The following PCYT1B variants were observed in gnomAD, a reference collection of about 807,000 sequenced individuals.
PCYT1B encodes the protein choline-phosphate cytidylyltransferase B.
PCYT1B carries 10 observed loss-of-function variants against 26.4 expected under a neutral mutation model. The observed-to-expected ratio is 0.38, with a 90% CI of 0.23 to 0.64. The LOEUF (loss-of-function observed/expected upper bound fraction) is 0.64. Among genes scored for constraint, PCYT1B ranks in the 30% least tolerant of loss-of-function variants. The probability of loss-of-function intolerance (pLI) is 0.56; values close to 1 mark genes in which losing one functional copy is unlikely to be tolerated. For missense variants in PCYT1B, 161 were observed against 292.7 expected (o/e 0.55, Z 3.28); for synonymous variants, 131 against 108.4 (o/e 1.21, Z -1.29).
At chrX:24,651,609 G>A (rs113762116), upstream of PCYT1B, among the ~76,000 whole-genome samples, 4,252 of 97,168 alleles carry the variant, frequency 0.044, 270 homozygotes, top group African/African-American at 0.15. Flanking sequence ...CAGCAGCCTC[G>A]ACCTCCCAGA....
At chrX:24,591,301 T>C (rs184638721) in intron 3 of PCYT1B, among the ~76,000 whole-genome samples, 1 of 112,095 alleles carries the variant, frequency 8.9e-6, no homozygotes, top group African/African-American at 3.2e-5. Context: ...GAAATATCAT[T>C]GTGGGTACAG....
rs956901509 is a variant in PCYT1B at position 24,558,698 on chromosome X, G to A, written c.*3595C>T. On this transcript the variant is annotated 3_prime_UTR_variant, in exon 8 of 8. Transcript: ENST00000379144. ...CTCTTCCACTCAGACCAGGTTAGAAGCCAGGCCAATGTCTCACGTCCTGCT... is the reference window on the plus strand; with the variant it reads ...CTCTTCCACTCAGACCAGGTTAGAAACCAGGCCAATGTCTCACGTCCTGCT... 2 of 107,673 alleles carry A rather than the reference G, an allele frequency of 1.9e-5. No individual in the cohort carries two copies. The highest frequency in any genetic ancestry group is 6.8e-5 in the African/African-American group (2 of 29,505). The allele number at this position is 107,673 out of a possible 1,213,427, so 8.9% of individuals were successfully genotyped here.
chrX:24,562,271 G>A lies in PCYT1B; in HGVS notation c.*22C>T, dbSNP rs372968337. The A allele has an allele frequency of 4.2e-4, 480 of 1,152,884 alleles. No homozygotes were observed. Among genetic ancestry groups the A allele is most frequent in the Non-Finnish European group, 5.2e-4 (450 of 866,056 alleles). ...CCCTCCTCCCCATCCTGCATGGTGC[G>A]GCTCTTGCCTCCCAGCAGCCTCTAC... On this transcript the variant is annotated 3_prime_UTR_variant, in exon 8 of 8. Transcript: ENST00000379144.
Position 24,564,454 on chromosome X carries a change from G to A in PCYT1B, c.898-1949C>T, listed in dbSNP as rs865948184. On this transcript the variant is annotated intron_variant, in intron 7 of 7. Transcript: ENST00000379144. Reference sequence around the variant, plus strand: ...TGCAAGCTCCGCCTCCCGGGTTCACGCCATTCTCCTGCCTCAGCCTCCCCA... The same window carrying A: ...TGCAAGCTCCGCCTCCCGGGTTCACACCATTCTCCTGCCTCAGCCTCCCCA... Among the ~76,000 whole-genome samples, 4 of 108,427 alleles carry A rather than the reference G, an allele frequency of 3.7e-5. No individual in the cohort carries two copies. In the South Asian group the frequency reaches 1.2e-3, roughly 34 times the overall value. 94.2% of individuals were successfully genotyped at this position (108,427 alleles called of 115,157 possible).
At chrX:24,609,315 C>T (rs1333324418) in intron 2 of PCYT1B, among the ~76,000 whole-genome samples, 3 of 111,408 alleles carry the variant, frequency 2.7e-5, no homozygotes, top group Non-Finnish European at 3.8e-5. Flanking sequence ...GGATTACAGG[C>T]ACTCAGCACC....
At position 24,607,803 on chromosome X, in the gene PCYT1B, A is replaced by G; in HGVS notation, c.276T>C (p.His92=). 1.7e-6 allele frequency: 2 copies of G among 1,202,768 alleles called. No individual in the cohort carries two copies. The highest frequency in any genetic ancestry group is 3.0e-5 in the East Asian group (1 of 33,754). The change falls in exon 3 of 8, where the codon CAT becomes CAC. Residue 92 remains histidine (H), a synonymous_variant. Transcript: ENST00000379144. ...DGIFDLFHSG[H]ARALMQAKTL... ...TTTTTGCTTGCATAAGGGCTCTTGCATGACCTGAGTGGAAGAGGTCAAATA... is the reference window on the plus strand; with the variant it reads ...TTTTTGCTTGCATAAGGGCTCTTGCGTGACCTGAGTGGAAGAGGTCAAATA...
chrX:24,650,997 C>T (rs923634688), upstream of PCYT1B, among the ~76,000 whole-genome samples: 1 of 111,661 alleles, frequency 9.0e-6, no homozygotes, highest in African/African-American at 3.3e-5. Context: ...GTTAGAAAAG[C>T]AGGCTGCAAA....
At chrX:24,624,403 A>G (rs1386758465) in intron 1 of PCYT1B, among the ~76,000 whole-genome samples, 1 of 112,157 alleles carries the variant, frequency 8.9e-6, no homozygotes, top group African/African-American at 3.2e-5. Context: ...TTAACCTCTC[A>G]AGCCTTAGTA....
chrX:24,562,364 G>C lies in PCYT1B; in HGVS notation c.1039C>G (p.Pro347Ala), dbSNP rs1167703914. Residue 347 changes from proline to alanine, a missense_variant, in exon 8 of 8, where the codon CCC becomes GCC. Pro to Ala is a conservative substitution (Grantham distance 27, BLOSUM62 -1). Coordinates refer to ENST00000379144, the MANE Select transcript of PCYT1B (RefSeq NM_004845.5). ...TFSWLPLKTS[P>A]PSSPKAASAS... ...GAGGCTGCTTTGGGTGAGGAAGGGG[G>C]TGAGGTTTTGAGTGGAAGCCATGAG... The C allele has an allele frequency of 8.5e-7, 1 of 1,176,060 alleles. No individual in the cohort carries two copies. Among genetic ancestry groups the C allele is most frequent in the Non-Finnish European group, 1.1e-6 (1 of 878,992 alleles).
chrX:24,596,497 T>G (rs1924784373), intron 3 of PCYT1B, among the ~76,000 whole-genome samples: 1 of 106,453 alleles, frequency 9.4e-6, no homozygotes, highest in African/African-American at 3.5e-5. Flanking sequence ...GAGGCTTAGG[T>G]GGGAGGATTA....
intron 7 of PCYT1B, among the ~76,000 whole-genome samples, chrX:24,570,275 C>T (rs745457183): frequency 2.8e-5 from 3 of 107,680 alleles, no homozygotes; most frequent in Admixed American, 1.0e-4. Flanking sequence ...TTTTTTGAGG[C>T]GGAGTTTCAC....
rs755921545 is a variant in PCYT1B at position 24,620,132 on chromosome X, A to G, written c.118-1048T>C. On this transcript the variant is annotated intron_variant, in intron 1 of 7. Transcript: ENST00000379144. Reference sequence around the variant, plus strand: ...TTAAGATGTGTTCCTTAACCTGGGGACACTAGACTGAAGAATGATCCATAC... The same window carrying G: ...TTAAGATGTGTTCCTTAACCTGGGGGCACTAGACTGAAGAATGATCCATAC... Among the ~76,000 whole-genome samples, 7 of 112,401 alleles carry G rather than the reference A, an allele frequency of 6.2e-5. No individual in the cohort carries two copies. The East Asian group carries it at 2.0e-3, about 31-fold the overall frequency.
intron 1 of PCYT1B, among the ~76,000 whole-genome samples, chrX:24,631,112 CG>C (rs1381590550): frequency 2.5e-4 from 28 of 110,784 alleles, no homozygotes; most frequent in Non-Finnish European, 3.4e-4. Context: ...TTAGTAGAGA[CG>C]GGGTTTCACC....
intron 7 of PCYT1B, among the ~76,000 whole-genome samples, chrX:24,568,467 G>A (rs1012081216): frequency 2.7e-5 from 3 of 111,476 alleles, no homozygotes; most frequent in African/African-American, 9.8e-5. Flanking sequence ...TGGGAAGATC[G>A]CTTGAGCCTG....
intron 5 of PCYT1B, among the ~76,000 whole-genome samples, chrX:24,579,752 T>C (rs998919610): frequency 1.8e-5 from 2 of 111,647 alleles, no homozygotes; most frequent in Non-Finnish European, 3.8e-5. Flanking sequence ...ACCCCCTCCC[T>C]GCTCATATTA....
intron 2 of PCYT1B, among the ~76,000 whole-genome samples, chrX:24,609,505 A>T (rs1236151112): frequency 1.8e-5 from 2 of 112,563 alleles, no homozygotes. Flanking sequence ...AAATATGGTG[A>T]ACTGAACATA....
chrX:24,597,128 CTTT>C (rs770072722), intron 3 of PCYT1B, among the ~76,000 whole-genome samples: 2 of 101,220 alleles, frequency 2.0e-5, no homozygotes. Context: ...TTTTTCTTTT[CTTT>C]TTTTTTTTTT....
In PCYT1B at chrX:24,587,890, G is replaced by A. The variant is rs781015637; in HGVS notation, c.487-571C>T. ...CAAGGCTTAAAGACTGGAGTGGGCCGCTGGGGCACCAGGCCATGTTTAGCG... is the reference window on the plus strand; with the variant it reads ...CAAGGCTTAAAGACTGGAGTGGGCCACTGGGGCACCAGGCCATGTTTAGCG... On this transcript the variant is annotated intron_variant, in intron 4 of 7. Coordinates refer to ENST00000379144, the MANE Select transcript of PCYT1B (RefSeq NM_004845.5). Among the ~76,000 whole-genome samples the A allele has an allele frequency of 3.6e-5, 4 of 112,621 alleles. No homozygotes were observed. In the South Asian group the frequency reaches 1.1e-3, roughly 31 times the overall value.
chrX:24,567,732 T>C (rs191844994), intron 7 of PCYT1B, among the ~76,000 whole-genome samples: 522 of 111,130 alleles, frequency 4.7e-3, no homozygotes, highest in Admixed American at 9.3e-3. Context: ...GGGCGGATCA[T>C]GAGTTCAAGA....
Sources: allele counts gnomAD v4.1 joint callset (sites outside exome capture counted in the v4.1 genomes callset), GRCh38; gene constraint gnomAD v4.1.1; transcripts MANE v1.5; gene names NCBI Gene and HGNC (gene_info 2026-07-23, HGNC 2026-07-21).